PVT1: variants seen among roughly 807,000 people sequenced by gnomAD.
PVT1 encodes the protein CXCR4/PVT1 fusion.
chr8:128,004,126 A>T (rs183055504), intron 4 of PVT1, among the ~76,000 whole-genome samples: 49 of 152,276 alleles, frequency 3.2e-4, no homozygotes, highest in South Asian at 1.2e-3. Context: ...TTCTATCTCC[A>T]ATAAAGTCAC....
chr8:127,947,657 C>T (rs1816438749), intron 3 of PVT1: 1 of 453,452 alleles, frequency 2.2e-6, no homozygotes, highest in South Asian at 1.6e-5. Flanking sequence ...ACACCTGGGG[C>T]AGGTTTTTGG....
intron 3 of PVT1, among the ~76,000 whole-genome samples, chr8:127,920,893 A>G (rs1388832495): frequency 6.6e-6 from 1 of 152,238 alleles, no homozygotes; most frequent in African/African-American, 2.4e-5. Context: ...GGAATTGTAG[A>G]TGTTGACTTG....
chr8:127,815,625 A>C (rs1814651610), intron 2 of PVT1, among the ~76,000 whole-genome samples: 1 of 152,214 alleles, frequency 6.6e-6, no homozygotes, highest in Non-Finnish European at 1.5e-5. Flanking sequence ...GGCATGGCAG[A>C]AATTCATCAG....
At chr8:128,065,253 G>A (rs1042579561) in intron 4 of PVT1, among the ~76,000 whole-genome samples, 1 of 151,938 alleles carries the variant, frequency 6.6e-6, no homozygotes, top group African/African-American at 2.4e-5. Flanking sequence ...GTGCAGTGGT[G>A]TGATCTCAGC....
At chr8:127,969,476 A>C (rs954286449) in intron 3 of PVT1, among the ~76,000 whole-genome samples, 4 of 152,102 alleles carry the variant, frequency 2.6e-5, no homozygotes, top group African/African-American at 9.7e-5. Flanking sequence ...TCATGTTCTG[A>C]AGTTCTACAG....
intron 3 of PVT1, among the ~76,000 whole-genome samples, chr8:127,929,400 G>T (rs536070586): frequency 1.6e-4 from 25 of 152,128 alleles, no homozygotes; most frequent in African/African-American, 5.8e-4. Context: ...TGACTTAGAT[G>T]ATTTACTTTC....
intron 2 of PVT1, among the ~76,000 whole-genome samples, chr8:127,797,537 G>A (rs1400626805): frequency 6.6e-6 from 1 of 152,126 alleles, no homozygotes; most frequent in African/African-American, 2.4e-5. Flanking sequence ...GAAATTCAAG[G>A]CCTTTTGGAA....
chr8:128,068,846 C>T (rs937330970), intron 4 of PVT1, among the ~76,000 whole-genome samples: 3 of 152,146 alleles, frequency 2.0e-5, no homozygotes, highest in African/African-American at 4.8e-5. Flanking sequence ...CCTCCATTGC[C>T]GGTGGCAGCA....
chr8:127,935,994 G>A (rs1200305336), intron 3 of PVT1, among the ~76,000 whole-genome samples: 1 of 147,616 alleles, frequency 6.8e-6, no homozygotes, highest in African/African-American at 2.5e-5. Context: ...GAATGGTCTT[G>A]AGGTAAGAGT....
chr8:127,815,218 C>T (rs906683244), intron 2 of PVT1, among the ~76,000 whole-genome samples: 2 of 152,172 alleles, frequency 1.3e-5, no homozygotes, highest in African/African-American at 2.4e-5. Flanking sequence ...CCACCCTCCT[C>T]GGCCTCCCTA....
At chr8:127,833,207 G>A (rs1247305394) in intron 2 of PVT1, among the ~76,000 whole-genome samples, 1 of 152,134 alleles carries the variant, frequency 6.6e-6, no homozygotes, top group Non-Finnish European at 1.5e-5. Flanking sequence ...GAGGGATTCG[G>A]TGAGATTCCC....
At chr8:127,820,015 A>G (rs1028442159) in intron 2 of PVT1, among the ~76,000 whole-genome samples, 5 of 152,060 alleles carry the variant, frequency 3.3e-5, no homozygotes, top group African/African-American at 2.4e-5. Flanking sequence ...AAGCATTTGG[A>G]GTTTGGAACT....
At chr8:127,900,570 G>A (rs1266286525) in intron 3 of PVT1, among the ~76,000 whole-genome samples, 2 of 152,206 alleles carry the variant, frequency 1.3e-5, no homozygotes, top group Non-Finnish European at 2.9e-5. Context: ...TAAGATGTCT[G>A]CACTTTCCTC....
chr8:128,006,654 A>G (rs549167497), intron 4 of PVT1, among the ~76,000 whole-genome samples: 5 of 152,188 alleles, frequency 3.3e-5, no homozygotes, highest in Non-Finnish European at 4.4e-5. Context: ...GTGATTTTCT[A>G]CTTCCATCAT....
chr8:127,832,821 C>G (rs55939879), intron 2 of PVT1, among the ~76,000 whole-genome samples: 66,024 of 151,698 alleles, frequency 0.44, 14,984 homozygotes, highest in Non-Finnish European at 0.5. Context: ...TCGCACCACT[C>G]CACTCCAGCC....
chr8:128,033,588 G>A (rs1813424979), intron 4 of PVT1, among the ~76,000 whole-genome samples: 1 of 152,210 alleles, frequency 6.6e-6, no homozygotes, highest in South Asian at 2.1e-4. Context: ...TCAGAAGAAG[G>A]TCTTTTGAGA....
chr8:128,004,491 A>G (rs772437670), intron 4 of PVT1, among the ~76,000 whole-genome samples: 14 of 152,124 alleles, frequency 9.2e-5, no homozygotes, highest in Non-Finnish European at 1.5e-4. Context: ...GAGCCCACCC[A>G]TTACTGGTAG....
intron 4 of PVT1, among the ~76,000 whole-genome samples, chr8:128,021,993 A>G (rs1452183412): frequency 6.6e-6 from 1 of 152,230 alleles, no homozygotes. Flanking sequence ...GAGAGGTTGC[A>G]GTGAGCCAAG....
chr8:128,080,810 C>T (rs1814166029), intron 5 of PVT1, among the ~76,000 whole-genome samples: 1 of 152,058 alleles, frequency 6.6e-6, no homozygotes, highest in African/African-American at 2.4e-5. Flanking sequence ...AGGATTCTCT[C>T]CTTTGTTATC....
Sources: allele counts gnomAD v4.1 joint callset (sites outside exome capture counted in the v4.1 genomes callset), GRCh38; gene constraint gnomAD v4.1.1; transcripts MANE v1.5; gene names NCBI Gene and HGNC (gene_info 2026-07-23, HGNC 2026-07-21).